The following TAFA3 variants were observed in gnomAD, a reference collection of about 807,000 sequenced individuals.
The protein encoded by TAFA3 is TAFA chemokine like family member 3.
TAFA3 carries 17 observed loss-of-function variants against 20.7 expected under a neutral mutation model. The observed-to-expected ratio is 0.82, with a 90% confidence interval of 0.56 to 1.23. TAFA3 has a LOEUF of 1.23. Among genes scored for constraint, TAFA3 ranks in the 50% most tolerant of loss-of-function variants. The probability of loss-of-function intolerance (pLI) is 0.00; values close to 1 mark genes in which losing one functional copy is unlikely to be tolerated. For missense variants in TAFA3, 174 were observed against 172.8 expected, an observed-to-expected ratio of 1.01 and a Z score of -0.04; for synonymous variants, 74 against 71.8, an observed-to-expected ratio of 1.03 and a Z score of -0.16.
At position 112,723,165 on chromosome 1, in the gene TAFA3, G is replaced by A; in HGVS notation, c.265G>A (p.Ala89Thr). 1 of 1,612,322 alleles carries A rather than the reference G, an allele frequency of 6.2e-7. No individual in the cohort carries two copies. ...GCGGGCAAAGCCCTCCTGCGTGGAC[G>A]GTGAGTGAGAGGCCAGGACCCGGGC... Reference protein sequence around the residue: ...TTRAKPSCVDASIVLQRWWCQ... With the variant: ...TTRAKPSCVDTSIVLQRWWCQ... The change falls in exon 4 of 6, where the codon GCC (alanine) becomes ACC (threonine). Residue 89 changes from alanine to threonine, a missense_variant and splice_region_variant. By Grantham distance (58) the Ala-to-Thr change is moderately conservative. Transcript: ENST00000361886.
At chr1:112,721,582 G>A (rs375824074) in intron 2 of TAFA3, among the ~76,000 whole-genome samples, 2 of 152,202 alleles carry the variant, frequency 1.3e-5, no homozygotes, top group South Asian at 4.1e-4. Context: ...CCAAAGTGCT[G>A]GAATTAGAGG....
chr1:112,726,079 G>T (rs999094069), intron 5 of TAFA3, among the ~76,000 whole-genome samples: 1 of 152,178 alleles, frequency 6.6e-6, no homozygotes, highest in Non-Finnish European at 1.5e-5. Context: ...AGAAGTTGCG[G>T]TAAGCAGAGA....
intron 5 of TAFA3, among the ~76,000 whole-genome samples, chr1:112,724,816 C>CAAAAAAA: frequency 4.9e-4 from 11 of 22,664 alleles, no homozygotes; most frequent in African/African-American, 6.3e-4. Flanking sequence ...ATTAGAGCAG[C>CAAAAAAA]AAAAAAAAAA....
Position 112,722,322 on chromosome 1 carries a change from C to T in TAFA3, c.89C>T (p.Ala30Val). The change falls in exon 3 of 6, where the codon GCT becomes GTT. Residue 30 changes from alanine (A) to valine (V), a missense_variant. Coordinates refer to ENST00000361886, the MANE Select transcript of TAFA3 (RefSeq NM_182759.3). Reference protein sequence around the residue: ...LAWLWTHLTLAALQPPTATVL... With the variant: ...LAWLWTHLTLVALQPPTATVL... ...TGGCTGTGGACCCACCTGACCTTGGCTGCCTTGCAGCCTCCCACTGCCACA... is the reference window on the plus strand; with the variant it reads ...TGGCTGTGGACCCACCTGACCTTGGTTGCCTTGCAGCCTCCCACTGCCACA... The T allele has an allele frequency of 6.2e-7, 1 of 1,613,762 alleles. No homozygotes were observed. Among genetic ancestry groups the T allele is most frequent in the East Asian group, 2.2e-5 (1 of 44,880 alleles).
chr1:112,722,555 C>T (rs1675355197), intron 3 of TAFA3, among the ~76,000 whole-genome samples: 1 of 152,208 alleles, frequency 6.6e-6, no homozygotes, highest in Non-Finnish European at 1.5e-5. Context: ...TGGGCAGACC[C>T]TTTGCTCACC....
Position 112,727,147 on chromosome 1 carries a change from C to T in TAFA3, c.*507C>T, listed in dbSNP as rs1247562476. On this transcript the variant is annotated 3_prime_UTR_variant, in exon 6 of 6. Transcript: ENST00000361886. ...AACATGTTGCAGGAAAACACTCTCC[C>T]CTTATGCCAGACCAGCAGTATCTCA... The T allele has an allele frequency of 6.2e-6, 1 of 161,376 alleles. No individual in the cohort carries two copies. The highest frequency in any genetic ancestry group is 2.4e-5 in the African/African-American group (1 of 41,640). 10.0% of individuals were successfully genotyped at this position (161,376 alleles called of 1,614,324 possible). A position where few individuals can be genotyped will look rare whatever the true frequency, so the allele number is the denominator to read the frequency against.
chr1:112,722,767 CTCTG>C (rs1174440981), intron 3 of TAFA3, among the ~76,000 whole-genome samples: 2 of 152,296 alleles, frequency 1.3e-5, no homozygotes, highest in East Asian at 3.9e-4. Context: ...TGGTGCGGGA[CTCTG>C]TCTTCTGCCC....
chr1:112,726,605 C>T (rs1419105307), intron 5 of TAFA3, 24 bp from the exon 6 acceptor site: 1 of 1,613,740 alleles, frequency 6.2e-7, no homozygotes, highest in Non-Finnish European at 8.5e-7. Flanking sequence ...CTTCTCTAAC[C>T]TTACCCTCTC....
At chr1:112,726,122 G>A (rs1368690080) in intron 5 of TAFA3, among the ~76,000 whole-genome samples, 1 of 152,084 alleles carries the variant, frequency 6.6e-6, no homozygotes. Flanking sequence ...GGGCGACAGA[G>A]TGAGACTCCA....
rs915768069 is a variant in TAFA3, at chr1:112,718,950, G to C, written c.-409G>C. Among the ~76,000 whole-genome samples, 2 of 152,184 alleles carry C rather than the reference G, an allele frequency of 1.3e-5. No homozygotes were observed. The highest frequency in any genetic ancestry group is 1.9e-4 in the East Asian group (1 of 5,200). ...GGCGCCCACGCGGGGCTGGAGGAGC[G>C]GGGGTAGCCCGGGGCGAGGCGGCGG... On this transcript the variant is annotated 5_prime_UTR_variant, in exon 1 of 6. Transcript: ENST00000361886.
rs770382890 is a variant in TAFA3 at position 112,722,336 on chromosome 1, C to T, written c.103C>T (p.Pro35Ser). ...CCTGACCTTGGCTGCCTTGCAGCCTCCCACTGCCACAGGTTTGGAGGAGGT... is the reference window on the plus strand; with the variant it reads ...CCTGACCTTGGCTGCCTTGCAGCCTTCCACTGCCACAGGTTTGGAGGAGGT... The part of the protein sequence containing the change: ...THLTLAALQP[P>S]TATVLVQQGT... The change falls in exon 3 of 6, where the codon CCC becomes TCC. Residue 35 changes from proline (P) to serine (S), a missense_variant. Transcript: ENST00000361886. 3.0e-5 allele frequency: 48 copies of T among 1,613,262 alleles called. No homozygotes were observed. The South Asian group carries it at 5.1e-4, about 17-fold the overall frequency.
intron 4 of TAFA3, 40 bp from the exon 5 acceptor site, chr1:112,723,973 T>C (rs747914754): frequency 6.2e-7 from 1 of 1,613,732 alleles, no homozygotes; most frequent in Non-Finnish European, 8.5e-7. Flanking sequence ...ACTGTGCTCG[T>C]AGAGACCCTA....
chr1:112,719,666 G>A (rs998910459), intron 1 of TAFA3, among the ~76,000 whole-genome samples: 1 of 152,048 alleles, frequency 6.6e-6, no homozygotes, highest in Non-Finnish European at 1.5e-5. Flanking sequence ...TGCCTGAGTT[G>A]GATTGGAGGA....
At chr1:112,722,893 C>T in intron 3 of TAFA3, 123 bp from the exon 4 acceptor site, 1 of 1,241,510 alleles carries the variant, frequency 8.1e-7, no homozygotes, top group Non-Finnish European at 1.1e-6. Flanking sequence ...CCTCCCCTGC[C>T]ACTGGCAGTC....
At chr1:112,720,926 G>A (rs912857993) in intron 2 of TAFA3, among the ~76,000 whole-genome samples, 4 of 152,144 alleles carry the variant, frequency 2.6e-5, no homozygotes, top group African/African-American at 9.7e-5. Context: ...GGTAGCTTTG[G>A]GAGGCCCAAA....
At chr1:112,722,166 G>A (rs1557787658) in intron 2 of TAFA3, 67 bp from the exon 3 acceptor site, 18 of 1,525,798 alleles carry the variant, frequency 1.2e-5, no homozygotes, top group Non-Finnish European at 1.6e-5. Flanking sequence ...GTGGCACAGA[G>A]AAGGTGCCCA....
rs77539893 is a variant in TAFA3, at chr1:112,721,696, C to T, written c.-1-537C>T. ...AGTGGATTATCACTGGAGATCACTG[C>T]ATGTGTCAGGACATAAAGCAATTCC... is the stretch of plus-strand genomic sequence containing the variant. On this transcript the variant is annotated intron_variant, in intron 2 of 5. Coordinates refer to ENST00000361886, the MANE Select transcript of TAFA3 (RefSeq NM_182759.3). 5.2e-3 allele frequency among the ~76,000 whole-genome samples: 793 copies of T among 152,302 alleles called. 7 individuals are homozygous for T. Among genetic ancestry groups the T allele is most frequent in the African/African-American group, 0.018 (729 of 41,556 alleles).
intron 2 of TAFA3, among the ~76,000 whole-genome samples, chr1:112,721,861 GTAA>G (rs1241299087): frequency 6.6e-6 from 1 of 152,208 alleles, no homozygotes; most frequent in Non-Finnish European, 1.5e-5. Context: ...TGTAAAACAG[GTAA>G]TAATAATGTT....
chr1:112,722,314 G>T lies in TAFA3; in HGVS notation c.81G>T (p.Leu27=). 6.2e-7 allele frequency: 1 copy of T among 1,613,870 alleles called. No individual in the cohort carries two copies. Among genetic ancestry groups the T allele is most frequent in the South Asian group, 1.1e-5 (1 of 91,062 alleles). The part of the protein sequence containing the change: ...ALCLAWLWTH[L]TLAALQPPTA... ...GCCTGGCCTGGCTGTGGACCCACCT[G>T]ACCTTGGCTGCCTTGCAGCCTCCCA... Residue 27 remains leucine (L), a synonymous_variant, in exon 3 of 6, where the codon CTG becomes CTT. Transcript: ENST00000361886.
Sources: allele counts gnomAD v4.1 joint callset (sites outside exome capture counted in the v4.1 genomes callset), GRCh38; gene constraint gnomAD v4.1.1; transcripts MANE v1.5; gene names NCBI Gene and HGNC (gene_info 2026-07-23, HGNC 2026-07-21).